Variants in SGCD observed in about 807,000 individuals in gnomAD.
SGCD encodes the protein sarcoglycan delta, also known as delta-sarcoglycan.
A neutral mutation model predicts 36.6 loss-of-function variants in SGCD; 18 were observed. The observed-to-expected ratio is 0.49, with a 90% CI of 0.34 to 0.73. SGCD has a LOEUF of 0.73. Among genes scored for constraint, SGCD ranks in the 30% least tolerant of loss-of-function variants. SGCD has a pLI of 0.01. For missense variants in SGCD, 387 were observed against 346.7 expected (o/e 1.12, Z -0.92); for synonymous variants, 133 against 130.6 (o/e 1.02, Z -0.12).
intron 4 of SGCD, among the ~76,000 whole-genome samples, chr5:156,551,954 C>T (rs1758816333): frequency 6.6e-6 from 1 of 152,140 alleles, no homozygotes; most frequent in Non-Finnish European, 1.5e-5. Flanking sequence ...AAATGGGGTT[C>T]TTGTTTATTT....
chr5:156,251,793 C>T (rs1219388844), intron 3 of SGCD, among the ~76,000 whole-genome samples: 1 of 152,108 alleles, frequency 6.6e-6, no homozygotes, highest in Non-Finnish European at 1.5e-5. Context: ...GGATTACAGG[C>T]ATGAGCCACT....
intron 1 of SGCD, among the ~76,000 whole-genome samples, chr5:156,042,179 A>G (rs1321671115): frequency 6.9e-6 from 1 of 144,174 alleles, no homozygotes; most frequent in Admixed American, 6.7e-5. Context: ...TAAGTAATTA[A>G]AATAGGTATT....
At chr5:156,359,643 T>G (rs981026815) in intron 3 of SGCD, among the ~76,000 whole-genome samples, 1 of 152,164 alleles carries the variant, frequency 6.6e-6, no homozygotes, top group African/African-American at 2.4e-5. Context: ...CCTCAGAGCC[T>G]TAGTCTCTGT....
At chr5:155,750,778 G>T in the SGCD span, among the ~76,000 whole-genome samples, 2 of 152,142 alleles carry the variant, frequency 1.3e-5, no homozygotes, top group African/African-American at 4.8e-5. Context: ...AAGTTACTTG[G>T]GAGTCCTCAA....
intron 3 of SGCD, among the ~76,000 whole-genome samples, chr5:156,461,350 T>G (rs1025929715): frequency 2.0e-5 from 3 of 152,144 alleles, no homozygotes; most frequent in African/African-American, 4.8e-5. Context: ...ACCCATCATA[T>G]ACTCAAAGGA....
At chr5:156,676,935 C>T (rs1192193125) in intron 7 of SGCD, among the ~76,000 whole-genome samples, 2 of 152,146 alleles carry the variant, frequency 1.3e-5, no homozygotes, top group East Asian at 3.8e-4. Flanking sequence ...GTGTTCTAGC[C>T]AGGGAGACCT....
intron 4 of SGCD, among the ~76,000 whole-genome samples, chr5:156,537,459 CCA>C (rs769070218): frequency 0.19 from 24,343 of 125,562 alleles, 2,387 homozygotes; most frequent in East Asian, 0.36. Flanking sequence ...AAGGTAGCAG[CCA>C]CACACACACA....
At chr5:156,642,461 CTTTTTT>C (rs58501471) in intron 6 of SGCD, among the ~76,000 whole-genome samples, 2 of 80,036 alleles carry the variant, frequency 2.5e-5, no homozygotes, top group East Asian at 4.0e-4. Context: ...CAGCATCAGT[CTTTTTT>C]TTTTTTTTTT....
intron 4 of SGCD, among the ~76,000 whole-genome samples, chr5:156,549,616 T>G (rs542347924): frequency 6.6e-6 from 1 of 152,356 alleles, no homozygotes; most frequent in Non-Finnish European, 1.5e-5. Flanking sequence ...CTTGTTGCAC[T>G]AGGCCACATT....
In SGCD at chr5:156,495,866, A is replaced by G. The variant is rs536453852; in HGVS notation, c.193-12735A>G. On this transcript the variant is annotated intron_variant, in intron 3 of 8. Coordinates refer to ENST00000337851, the MANE Select transcript of SGCD (RefSeq NM_000337.6). ...TCTCTCATTTTCTTCCCGTCAGACA[A>G]TCGATAAATTCCCCACCAATGTCTC... Among the ~76,000 whole-genome samples, 4 of 152,242 alleles carry G rather than the reference A, an allele frequency of 2.6e-5. No homozygotes were observed. The South Asian group carries it at 8.3e-4, about 32-fold the overall frequency.
At chr5:155,820,483 A>G in the SGCD span, among the ~76,000 whole-genome samples, 1 of 152,056 alleles carries the variant, frequency 6.6e-6, no homozygotes, top group Non-Finnish European at 1.5e-5. Flanking sequence ...AACATGGTGA[A>G]ACCCTGTGTC....
In SGCD at chr5:156,179,170, G is replaced by A. The variant is rs533174413; in HGVS notation, c.-44+55151G>A. Among the ~76,000 whole-genome samples the A allele has an allele frequency of 2.6e-5, 4 of 152,082 alleles. No homozygotes were observed. In the South Asian group the frequency reaches 8.3e-4, roughly 32 times the overall value. Reference sequence around the variant, plus strand: ...TAGACATTTGGGGAAGTAAGTAAATGTTTACTATTAACATTTTCTATGTAC... The same window carrying A: ...TAGACATTTGGGGAAGTAAGTAAATATTTACTATTAACATTTTCTATGTAC... On this transcript the variant is annotated intron_variant, in intron 3 of 9. Coordinates refer to the SGCD transcript ENST00000517913.
chr5:156,546,392 G>A (rs1377348205), intron 4 of SGCD, among the ~76,000 whole-genome samples: 1 of 152,206 alleles, frequency 6.6e-6, no homozygotes, highest in Non-Finnish European at 1.5e-5. Context: ...GTGAGGACCA[G>A]CAGGTATGTA....
At chr5:155,914,257 A>T (rs2113362821) in intron 1 of SGCD, among the ~76,000 whole-genome samples, 1 of 152,308 alleles carries the variant, frequency 6.6e-6, no homozygotes, top group Non-Finnish European at 1.5e-5. Context: ...TGTGTAACAA[A>T]TGGGACCATA....
intron 3 of SGCD, among the ~76,000 whole-genome samples, chr5:156,185,124 G>T (rs1223683610): frequency 3.3e-5 from 5 of 151,814 alleles, no homozygotes; most frequent in African/African-American, 9.7e-5. Context: ...TTTGTGTTTT[G>T]GTTCTAAATG....
At chr5:155,919,558 A>T (rs1756828074) in intron 1 of SGCD, among the ~76,000 whole-genome samples, 1 of 152,192 alleles carries the variant, frequency 6.6e-6, no homozygotes, top group South Asian at 2.1e-4. Flanking sequence ...TGGAGATTAC[A>T]AACTTAAAAA....
chr5:155,842,104 G>C, the SGCD span, among the ~76,000 whole-genome samples: 1 of 152,110 alleles, frequency 6.6e-6, no homozygotes, highest in Non-Finnish European at 1.5e-5. Flanking sequence ...GAAAAGAAGA[G>C]AGGAAAGATA....
rs144660611 is a variant in SGCD, at chr5:156,579,076, G to A, written c.295-10155G>A. Among the ~76,000 whole-genome samples, 1,412 of 152,242 alleles carry A rather than the reference G, an allele frequency of 9.3e-3. 22 individuals are homozygous for A. Among genetic ancestry groups the A allele is most frequent in the East Asian group, 0.048 (249 of 5,178 alleles). Reference sequence around the variant, plus strand: ...TGCTATAAATTTCCCTCTACACATTGCTTTAAATGTGTCCCAGAGATTCTG... The same window carrying A: ...TGCTATAAATTTCCCTCTACACATTACTTTAAATGTGTCCCAGAGATTCTG... On this transcript the variant is annotated intron_variant, in intron 4 of 8. Coordinates refer to ENST00000337851, the MANE Select transcript of SGCD (RefSeq NM_000337.6).
intron 1 of SGCD, among the ~76,000 whole-genome samples, chr5:155,967,973 C>T (rs537602518): frequency 1.3e-5 from 2 of 152,198 alleles, no homozygotes; most frequent in African/African-American, 4.8e-5. Flanking sequence ...AGTTGTTTCC[C>T]TTTCAAGAAG....
Sources: allele counts gnomAD v4.1 joint callset (sites outside exome capture counted in the v4.1 genomes callset), GRCh38; gene constraint gnomAD v4.1.1; transcripts MANE v1.5; gene names NCBI Gene and HGNC (gene_info 2026-07-23, HGNC 2026-07-21).